Variants in GNB1L observed in about 807,000 individuals in gnomAD.
The protein encoded by GNB1L is G protein subunit beta 1 like.
A neutral mutation model predicts 29.1 loss-of-function variants in GNB1L; 20 were observed. The ratio of observed to expected loss-of-function variants is 0.69; its 90% confidence interval spans 0.48 to 1.00. The LOEUF (loss-of-function observed/expected upper bound fraction) is 1.00, where lower values mean the gene tolerates loss of function less well. GNB1L is among the 50% of genes least tolerant of loss of function. The probability of loss-of-function intolerance (pLI) is 0.00; values close to 1 mark genes in which losing one functional copy is unlikely to be tolerated. For missense variants in GNB1L, 421 were observed against 464.9 expected, an observed-to-expected ratio of 0.91 and a Z score of 0.87; for synonymous variants, 193 against 206.5, an observed-to-expected ratio of 0.93 and a Z score of 0.56.
intron 5 of GNB1L, among the ~76,000 whole-genome samples, chr22:19,810,544 C>T (rs547071611): frequency 6.6e-6 from 1 of 152,272 alleles, no homozygotes; most frequent in South Asian, 2.1e-4. Flanking sequence ...ACCACGTCTA[C>T]CTGGGCTGGG....
At chr22:19,852,052 G>A (rs2145907178) in intron 2 of GNB1L, 1 of 1,614,218 alleles carries the variant, frequency 6.2e-7, no homozygotes, top group South Asian at 1.1e-5. Context: ...CGCCACAAGT[G>A]CCACTAGCTG....
At chr22:19,843,434 G>A (rs57188415) in intron 2 of GNB1L, among the ~76,000 whole-genome samples, 3 of 152,226 alleles carry the variant, frequency 2.0e-5, no homozygotes, top group South Asian at 2.1e-4. Flanking sequence ...CCAGCAGCCC[G>A]ATGGCGAGGG....
rs376626625 is a variant in GNB1L, at chr22:19,788,684, G to A, written c.*25C>T. The A allele has an allele frequency of 7.6e-5, 123 of 1,612,066 alleles. No homozygotes were observed. Among genetic ancestry groups the A allele is most frequent in the South Asian group, 2.5e-4 (23 of 91,002 alleles). On this transcript the variant is annotated 3_prime_UTR_variant, in exon 8 of 8. Coordinates refer to ENST00000329517, the MANE Select transcript of GNB1L (RefSeq NM_053004.3). ...GCCCACCTCCCTGCCCGCCCTCCTC[G>A]TCTCCCGGGAAGGGAGTGGGTGAGT...
chr22:19,793,191 C>T, intron 7 of GNB1L: 1 of 757,626 alleles, frequency 1.3e-6, no homozygotes, highest in South Asian at 1.8e-5. Flanking sequence ...CAAATAATTA[C>T]CCAAAAAATT....
At chr22:19,790,709 G>A (rs1346067798) in intron 7 of GNB1L, among the ~76,000 whole-genome samples, 2 of 152,000 alleles carry the variant, frequency 1.3e-5, no homozygotes, top group South Asian at 2.1e-4. Flanking sequence ...AGGTGTGGTC[G>A]TGTAGTCCCA....
At chr22:19,814,712 C>T (rs190224778) in intron 4 of GNB1L, among the ~76,000 whole-genome samples, 61 of 152,208 alleles carry the variant, frequency 4.0e-4, no homozygotes, top group African/African-American at 1.2e-3. Context: ...ATCAGACAAA[C>T]CCAACCTGAG....
intron 2 of GNB1L, among the ~76,000 whole-genome samples, chr22:19,827,052 T>C (rs900107546): frequency 6.6e-5 from 10 of 151,762 alleles, no homozygotes; most frequent in Non-Finnish European, 1.2e-4. Flanking sequence ...TTAGATCAGA[T>C]CCTGGATCAA....
At chr22:19,792,790 T>C (rs1937266620) in intron 7 of GNB1L, 2 of 1,426,350 alleles carry the variant, frequency 1.4e-6, no homozygotes, top group Non-Finnish European at 1.9e-6. Context: ...CCCATCGAGC[T>C]GGTTGTCTTC....
At chr22:19,835,720 C>T (rs1230847752) in intron 2 of GNB1L, among the ~76,000 whole-genome samples, 3 of 152,042 alleles carry the variant, frequency 2.0e-5, no homozygotes. Flanking sequence ...AGTATGCTCT[C>T]TGATCATATG....
At chr22:19,810,016 T>C (rs1444295643) in intron 5 of GNB1L, among the ~76,000 whole-genome samples, 1 of 152,242 alleles carries the variant, frequency 6.6e-6, no homozygotes, top group African/African-American at 2.4e-5. Context: ...TGCTTTGGCC[T>C]CCTGAGTAGC....
chr22:19,833,607 T>C (rs1315551781), intron 2 of GNB1L, among the ~76,000 whole-genome samples: 2 of 152,134 alleles, frequency 1.3e-5, no homozygotes, highest in Non-Finnish European at 2.9e-5. Flanking sequence ...TTCACACCTG[T>C]AATCCCAACA....
intron 2 of GNB1L, among the ~76,000 whole-genome samples, chr22:19,841,898 T>A (rs919990549): frequency 6.6e-6 from 1 of 152,128 alleles, no homozygotes; most frequent in Non-Finnish European, 1.5e-5. Context: ...ACCTAATTTC[T>A]CTATGAAGTA....
intron 4 of GNB1L, among the ~76,000 whole-genome samples, chr22:19,817,093 C>T (rs1234059594): frequency 6.6e-6 from 1 of 152,202 alleles, no homozygotes; most frequent in Admixed American, 6.5e-5. Flanking sequence ...TCTCGGACCT[C>T]GGTGCAGGAA....
At chr22:19,822,526 G>A (rs886293065) in intron 2 of GNB1L, among the ~76,000 whole-genome samples, 2 of 152,210 alleles carry the variant, frequency 1.3e-5, no homozygotes, top group Admixed American at 1.3e-4. Flanking sequence ...TGCAGACCCT[G>A]AGCTGGGCTA....
At chr22:19,811,695 C>G (rs902182153) in intron 5 of GNB1L, among the ~76,000 whole-genome samples, 5 of 152,108 alleles carry the variant, frequency 3.3e-5, no homozygotes, top group African/African-American at 1.2e-4. Flanking sequence ...GTGATCCCCC[C>G]ACCCCCTGGG....
intron 7 of GNB1L, 132 bp from the exon 8 acceptor site, chr22:19,789,092 C>T (rs1937223001): frequency 2.1e-6 from 2 of 967,700 alleles, no homozygotes; most frequent in Non-Finnish European, 3.1e-6. Context: ...CCACACGCTC[C>T]TACCCAGCTG....
At chr22:19,806,887 T>C in intron 5 of GNB1L, 130 bp from the exon 6 acceptor site, 2 of 736,646 alleles carry the variant, frequency 2.7e-6, no homozygotes, top group Non-Finnish European at 4.8e-6. Context: ...CGTGGGCACC[T>C]GGGAGCCCAG....
intron 2 of GNB1L, chr22:19,849,255 T>G (rs2145904186): frequency 1.0e-6 from 1 of 985,104 alleles, no homozygotes; most frequent in South Asian, 4.7e-5. Context: ...AAGGTATCTG[T>G]GCCCTGAAAT....
chr22:19,845,160 T>C (rs1937933783), intron 2 of GNB1L, among the ~76,000 whole-genome samples: 1 of 152,224 alleles, frequency 6.6e-6, no homozygotes, highest in East Asian at 1.9e-4. Flanking sequence ...CAGGTGGTGG[T>C]GTGGCCAGGT....
Sources: allele counts gnomAD v4.1 joint callset (sites outside exome capture counted in the v4.1 genomes callset), GRCh38; gene constraint gnomAD v4.1.1; transcripts MANE v1.5; gene names NCBI Gene and HGNC (gene_info 2026-07-23, HGNC 2026-07-21).